Variants in ALG14 observed in about 807,000 individuals in gnomAD.
ALG14 encodes the protein UDP-N-acetylglucosamine transferase subunit ALG14.
A neutral mutation model predicts 22.8 loss-of-function variants in ALG14; 17 were observed. That is an observed-to-expected ratio of 0.75 (90% confidence interval 0.51 to 1.12). ALG14 has a LOEUF of 1.12. Among genes scored for constraint, ALG14 ranks in the 50% most tolerant of loss-of-function variants. The pLI, the probability that ALG14 is intolerant of heterozygous loss-of-function variation, is 0.00. For synonymous variants in ALG14, 89 were observed against 103.7 expected, an observed-to-expected ratio of 0.86 and a Z score of 0.86; for missense variants, 288 against 271.8, an observed-to-expected ratio of 1.06 and a Z score of -0.42.
At chr1:94,983,420 C>A in intron 3 of ALG14, 114 bp from the exon 4 acceptor site, 4 of 860,254 alleles carry the variant, frequency 4.6e-6, no homozygotes, top group Non-Finnish European at 7.2e-6. Flanking sequence ...TCTAATAAGT[C>A]CTTCTCTGTC....
At chr1:95,016,561 G>C (rs1673500760) in intron 3 of ALG14, among the ~76,000 whole-genome samples, 1 of 152,042 alleles carries the variant, frequency 6.6e-6, no homozygotes, top group Non-Finnish European at 1.5e-5. Flanking sequence ...AATCTGCCAA[G>C]ATCTAAATCT....
intron 3 of ALG14, among the ~76,000 whole-genome samples, chr1:95,019,729 C>T (rs1299816783): frequency 6.6e-6 from 1 of 152,102 alleles, no homozygotes; most frequent in African/African-American, 2.4e-5. Flanking sequence ...GCTTGTAATC[C>T]CAGGACTTTG....
chr1:95,056,257 G>A (rs1203587855), intron 2 of ALG14, among the ~76,000 whole-genome samples: 1 of 152,164 alleles, frequency 6.6e-6, no homozygotes, highest in Non-Finnish European at 1.5e-5. Context: ...AAATGGTGCT[G>A]GGCTGGGCCC....
Position 94,981,204 on chromosome 1 carries a change from CTGG to C in ALG14, c.*1869_*1871del, listed in dbSNP as rs1672483953. 6.6e-6 allele frequency: 1 copy of C among 152,110 alleles called. No individual in the cohort carries two copies. The highest frequency in any genetic ancestry group is 1.5e-5 in the Non-Finnish European group (1 of 67,994). 9.4% of individuals were successfully genotyped at this position (152,110 alleles called of 1,614,324 possible). On this transcript the variant is annotated 3_prime_UTR_variant, in exon 4 of 4. Coordinates refer to ENST00000370205, the MANE Select transcript of ALG14 (RefSeq NM_144988.4). ...GTCAAGGCTTATTTCACCTCAGCCC[CTGG>C]TTGTATGATACTAATACGCTCTGAT...
intron 2 of ALG14, among the ~76,000 whole-genome samples, chr1:95,034,141 C>T (rs575097609): frequency 6.6e-6 from 1 of 152,354 alleles, no homozygotes; most frequent in African/African-American, 2.4e-5. Context: ...CCCAGACTGT[C>T]TCACAGCTAG....
intron 2 of ALG14, 89 bp from the exon 3 acceptor site, chr1:95,027,349 T>C (rs1673853354): frequency 6.8e-7 from 1 of 1,467,078 alleles, no homozygotes; most frequent in Non-Finnish European, 9.3e-7. Flanking sequence ...GAAACAGAAA[T>C]GCTTTCTTTA....
At chr1:94,992,137 AAGTAT>A (rs1181476176) in intron 3 of ALG14, among the ~76,000 whole-genome samples, 1 of 152,134 alleles carries the variant, frequency 6.6e-6, no homozygotes, top group Non-Finnish European at 1.5e-5. Flanking sequence ...TAATGATACA[AAGTAT>A]AGTATAGTAA....
At chr1:95,006,179 C>T (rs1441934102) in intron 3 of ALG14, among the ~76,000 whole-genome samples, 1 of 152,192 alleles carries the variant, frequency 6.6e-6, no homozygotes, top group Non-Finnish European at 1.5e-5. Context: ...CATGGTAATT[C>T]TATATTCAGA....
chr1:95,022,977 A>G (rs1449155555), intron 3 of ALG14, among the ~76,000 whole-genome samples: 1 of 152,192 alleles, frequency 6.6e-6, no homozygotes, highest in African/African-American at 2.4e-5. Flanking sequence ...AATATTTCAA[A>G]CACATGTTAA....
chr1:95,035,352 GAAA>G (rs938800666), intron 2 of ALG14, among the ~76,000 whole-genome samples: 7 of 152,112 alleles, frequency 4.6e-5, no homozygotes, highest in African/African-American at 1.7e-4. Flanking sequence ...TCGTATAGAA[GAAA>G]ACATATTTTA....
At chr1:95,050,483 C>T (rs528297197) in intron 2 of ALG14, among the ~76,000 whole-genome samples, 97 of 152,108 alleles carry the variant, frequency 6.4e-4, no homozygotes, top group Non-Finnish European at 1.2e-3. Flanking sequence ...GATAGAATAG[C>T]AATATAAACT....
intron 3 of ALG14, among the ~76,000 whole-genome samples, chr1:95,020,287 C>T (rs72964574): frequency 0.014 from 2,172 of 151,884 alleles, 54 homozygotes; most frequent in African/African-American, 0.049. Context: ...AAAGAGTAAG[C>T]GCTAACTGAA....
intron 3 of ALG14, among the ~76,000 whole-genome samples, chr1:94,993,544 G>A (rs991181097): frequency 4.6e-5 from 7 of 151,712 alleles, no homozygotes; most frequent in African/African-American, 1.7e-4. Context: ...TTCCACCAAC[G>A]GTGGATGCCT....
intron 2 of ALG14, among the ~76,000 whole-genome samples, chr1:95,063,439 G>A (rs1408795748): frequency 6.6e-6 from 1 of 152,094 alleles, no homozygotes; most frequent in African/African-American, 2.4e-5. Flanking sequence ...TTACATTTAT[G>A]TCTTTAATCC....
chr1:94,987,388 G>A (rs1672671499), intron 3 of ALG14, among the ~76,000 whole-genome samples: 1 of 152,122 alleles, frequency 6.6e-6, no homozygotes, highest in East Asian at 1.9e-4. Flanking sequence ...AACCAGTAGG[G>A]GTTCAATATG....
chr1:95,010,444 C>A (rs1385288483), intron 3 of ALG14, among the ~76,000 whole-genome samples: 1 of 152,180 alleles, frequency 6.6e-6, no homozygotes, highest in Non-Finnish European at 1.5e-5. Flanking sequence ...CCATTCTCTG[C>A]TCCCAAGTAT....
At chr1:95,051,036 C>T (rs1571656278) in intron 2 of ALG14, among the ~76,000 whole-genome samples, 1 of 151,864 alleles carries the variant, frequency 6.6e-6, no homozygotes. Flanking sequence ...TGGCCTACTC[C>T]CTGGGTAATC....
At chr1:94,990,127 A>T (rs1672736764) in intron 3 of ALG14, among the ~76,000 whole-genome samples, 1 of 152,138 alleles carries the variant, frequency 6.6e-6, no homozygotes, top group African/African-American at 2.4e-5. Context: ...AGGCAACTAG[A>T]AAGAGAAGAA....
At chr1:95,005,869 C>T (rs888783195) in intron 3 of ALG14, among the ~76,000 whole-genome samples, 6 of 152,278 alleles carry the variant, frequency 3.9e-5, no homozygotes, top group Middle Eastern at 3.4e-3. Flanking sequence ...TTACATCCCT[C>T]TTGACTTTCA....
Sources: allele counts gnomAD v4.1 joint callset (sites outside exome capture counted in the v4.1 genomes callset), GRCh38; gene constraint gnomAD v4.1.1; transcripts MANE v1.5; gene names NCBI Gene and HGNC (gene_info 2026-07-23, HGNC 2026-07-21).